DLG4: variants seen among roughly 807,000 people sequenced by gnomAD.
DLG4 encodes discs large MAGUK scaffold protein 4.
In DLG4, 7 loss-of-function variants were observed where a neutral mutation model predicts 93.8. The observed-to-expected ratio is 0.07, with a 90% CI of 0.04 to 0.14. DLG4 has a LOEUF of 0.14. DLG4 is among the 10% of genes least tolerant of loss of function. The pLI is 1.00. For synonymous variants in DLG4, 341 were observed against 387.6 expected (o/e 0.88, Z 1.41); for missense variants, 545 against 992.9 (o/e 0.55, Z 6.06).
Position 7,203,111 on chromosome 17 carries a change from T to A in DLG4, c.643-64A>T. The A allele has an allele frequency of 6.4e-7, 1 of 1,573,280 alleles. No individual in the cohort carries two copies. Among genetic ancestry groups the A allele is most frequent in the Non-Finnish European group, 8.7e-7 (1 of 1,152,340 alleles). On this transcript the variant is annotated intron_variant, in intron 7 of 19. Coordinates refer to ENST00000399506, the MANE Select transcript of DLG4 (RefSeq NM_001321075.3). The surrounding 1 kb of genome is among the most constrained non-coding windows in gnomAD (Gnocchi z 7.2). Reference sequence around the variant, plus strand: ...ATGGCCCAAGACAGAAGCACTGGGGTGAAGTGATGAACTTGGGCCTGCCAG... The same window carrying A: ...ATGGCCCAAGACAGAAGCACTGGGGAGAAGTGATGAACTTGGGCCTGCCAG...
chr17:7,212,688 AG>A (rs1319211478), intron 1 of DLG4, among the ~76,000 whole-genome samples: 1 of 152,186 alleles, frequency 6.6e-6, no homozygotes, highest in African/African-American at 2.4e-5. Context: ...AGATCGCTGG[AG>A]GCCAGGTGCC....
rs776871143 is a variant in DLG4, at chr17:7,196,504, C to G, written c.1155G>C (p.Thr385=). 8 of 1,614,012 alleles carry G rather than the reference C, an allele frequency of 5.0e-6. No individual in the cohort carries two copies. Among genetic ancestry groups the G allele is most frequent in the Non-Finnish European group, 6.8e-6 (8 of 1,179,896 alleles). ...AAIALKNAGQ[T]VTIIAQYKPE... ...GTTTATACTGAGCGATGATCGTGAC[C>G]GTCTGACCCGCATTCTTCAGGGCAA... The change falls in exon 10 of 20, where the codon ACG becomes ACC. Residue 385 remains threonine (T), a synonymous_variant. Coordinates refer to ENST00000399506, the MANE Select transcript of DLG4 (RefSeq NM_001321075.3). The surrounding 1 kb of genome is among the most constrained non-coding windows in gnomAD (Gnocchi z 8.3).
Position 7,217,324 on chromosome 17 carries a change from G to T in DLG4, c.-177C>A. On this transcript the variant is annotated 5_prime_UTR_variant, in exon 1 of 20. Coordinates refer to ENST00000399506, the MANE Select transcript of DLG4 (RefSeq NM_001321075.3). ...GGTTGGAGAAGGGAAGGGGAGGGGA[G>T]CGTGGGAGGGAGGGGAAGGGGGCCC... 1 of 893,558 alleles carries T rather than the reference G, an allele frequency of 1.1e-6. No homozygotes were observed. Among genetic ancestry groups the T allele is most frequent in the South Asian group, 4.6e-5 (1 of 21,884 alleles). 55.4% of individuals were successfully genotyped at this position (893,558 alleles called of 1,614,324 possible).
At chr17:7,213,854 A>T (rs2070800992) in intron 1 of DLG4, 1 of 470,708 alleles carries the variant, frequency 2.1e-6, no homozygotes, top group African/African-American at 2.0e-5. Context: ...CCCCAAGATG[A>T]CCCCCAATGT....
In DLG4 at chr17:7,196,657, A is replaced by C; in HGVS notation, c.1084-82T>G. On this transcript the variant is annotated intron_variant, in intron 9 of 19. Coordinates refer to ENST00000399506, the MANE Select transcript of DLG4 (RefSeq NM_001321075.3). The surrounding 1 kb of genome is among the most constrained non-coding windows in gnomAD (Gnocchi z 8.3). Reference sequence around the variant, plus strand: ...CAGGTGGAGCAGGGAGTGGTCCCGCAAGAGGACTCGGCTGCAGCCCATCCA... The same window carrying C: ...CAGGTGGAGCAGGGAGTGGTCCCGCCAGAGGACTCGGCTGCAGCCCATCCA... 1.3e-6 allele frequency: 2 copies of C among 1,591,164 alleles called. No individual in the cohort carries two copies. The highest frequency in any genetic ancestry group is 2.2e-5 in the South Asian group (2 of 89,358).
rs2069446046 is a variant in DLG4 at position 7,190,771 on chromosome 17, C to T, written c.2112G>A (p.Val704=). 1 of 1,613,506 alleles carries T rather than the reference C, an allele frequency of 6.2e-7. No homozygotes were observed. The highest frequency in any genetic ancestry group is 1.7e-5 in the Admixed American group (1 of 59,984). ...CTGAGAGGTCCTCGATGACACGCTTCACCTTGTGGTAGATCTCCTCAAAGC... is the reference window on the plus strand; with the variant it reads ...CTGAGAGGTCCTCGATGACACGCTTTACCTTGTGGTAGATCTCCTCAAAGC... The part of the protein sequence containing the change: ...GDSFEEIYHK[V]KRVIEDLSGP... Residue 704 remains valine, a synonymous_variant, in exon 20 of 20, where the codon GTG becomes GTA. Transcript: ENST00000399506.
intron 8 of DLG4, among the ~76,000 whole-genome samples, chr17:7,201,107 G>A (rs896195195): frequency 1.1e-4 from 16 of 150,094 alleles, no homozygotes; most frequent in African/African-American, 3.4e-4. Flanking sequence ...CAGGTGATCC[G>A]CCCGCCTTGG....
chr17:7,191,787 A>G lies in DLG4; in HGVS notation c.1976+106T>C. On this transcript the variant is annotated intron_variant, in intron 18 of 19. Coordinates refer to ENST00000399506, the MANE Select transcript of DLG4 (RefSeq NM_001321075.3). The surrounding 1 kb of genome is among the most constrained non-coding windows in gnomAD (Gnocchi z 6.6). Reference sequence around the variant, plus strand: ...GGGATCCCCCTCAGGGGCTGCTGAAACCGCTGTCCAGGGTTCTGAAGGGAG... The same window carrying G: ...GGGATCCCCCTCAGGGGCTGCTGAAGCCGCTGTCCAGGGTTCTGAAGGGAG... 1.2e-6 allele frequency: 1 copy of G among 813,482 alleles called. No homozygotes were observed. The highest frequency in any genetic ancestry group is 2.4e-4 in the Middle Eastern group (1 of 4,156). 50.4% of individuals were successfully genotyped at this position (813,482 alleles called of 1,614,324 possible).
chr17:7,211,899 T>C (rs1444988854), intron 1 of DLG4, among the ~76,000 whole-genome samples: 2 of 142,512 alleles, frequency 1.4e-5, no homozygotes. Flanking sequence ...GGGGAGACCC[T>C]CTTAGCCACC....
chr17:7,211,897 C>A (rs1242263884), intron 1 of DLG4, among the ~76,000 whole-genome samples: 2 of 146,666 alleles, frequency 1.4e-5, no homozygotes, highest in African/African-American at 5.1e-5. Context: ...GAGGGGAGAC[C>A]CTCTTAGCCA....
chr17:7,197,252 G>A (rs2069842171), intron 8 of DLG4, among the ~76,000 whole-genome samples, 200 bp from the exon 9 acceptor site: 1 of 152,092 alleles, frequency 6.6e-6, no homozygotes, highest in Admixed American at 6.6e-5. Context: ...TCAGAGGCTG[G>A]TTGTCCTAGG....
At chr17:7,201,387 G>A (rs761080994) in intron 8 of DLG4, among the ~76,000 whole-genome samples, 2 of 152,010 alleles carry the variant, frequency 1.3e-5, no homozygotes, top group Non-Finnish European at 2.9e-5. Context: ...TTTTTTAATT[G>A]TTATGACTGA....
upstream of DLG4, chr17:7,219,162 A>C (rs2071070891): frequency 4.7e-6 from 2 of 427,474 alleles, no homozygotes; most frequent in Non-Finnish European, 4.2e-6. Context: ...CTCTCACCCC[A>C]ATGAGAATTG....
At chr17:7,192,259 A>C in intron 17 of DLG4, 3 of 410,380 alleles carry the variant, frequency 7.3e-6, no homozygotes, top group Non-Finnish European at 1.3e-5. Context: ...GGAAGGGAGG[A>C]GCACCAGGCA....
At chr17:7,197,280 G>A (rs1405827439) in intron 8 of DLG4, among the ~76,000 whole-genome samples, 1 of 152,032 alleles carries the variant, frequency 6.6e-6, no homozygotes, top group Non-Finnish European at 1.5e-5. Context: ...GGATTTGAAC[G>A]TTATATGTCC....
chr17:7,213,989 G>C lies in DLG4; in HGVS notation c.30+3129C>G, dbSNP rs2070806408. On this transcript the variant is annotated intron_variant, in intron 1 of 19. Transcript: ENST00000399506. ...TGCAGGCCCTGCTTATCCACCAGTG[G>C]GCGCCATGGCCCATAAAGACCCTTC... is the stretch of plus-strand genomic sequence containing the variant. 1.3e-5 allele frequency: 5 copies of C among 395,258 alleles called. 1 individual carries two copies. The highest frequency in any genetic ancestry group is 9.0e-5 in the South Asian group (5 of 55,324). 24.5% of individuals were successfully genotyped at this position (395,258 alleles called of 1,614,324 possible). A position where few individuals can be genotyped will look rare whatever the true frequency, so the allele number is the denominator to read the frequency against.
chr17:7,199,979 CAAAAA>C (rs758701276), intron 8 of DLG4, among the ~76,000 whole-genome samples: 1 of 54,256 alleles, frequency 1.8e-5, no homozygotes, highest in Non-Finnish European at 3.8e-5. Flanking sequence ...GACTCCGTCT[CAAAAA>C]AAAAAAAAAA....
In DLG4 at chr17:7,194,058, A is replaced by G. The variant is rs1214339587; in HGVS notation, c.1479-58T>C. On this transcript the variant is annotated intron_variant, in intron 12 of 19. Transcript: ENST00000399506. This position sits in a 1 kb window ranked among gnomAD's most constrained non-coding sequence, Gnocchi z 4.4. ...GGAATGCCTACCCCCTGCCACCCCC[A>G]TGCTCTGAGCCAGCTGACAACCCCT... 3.3e-5 allele frequency: 52 copies of G among 1,592,784 alleles called. No homozygotes were observed. The highest frequency in any genetic ancestry group is 4.4e-5 in the Non-Finnish European group (52 of 1,169,600).
chr17:7,196,736 T>C lies in DLG4; in HGVS notation c.1083+21A>G, dbSNP rs769852553. On this transcript the variant is annotated intron_variant, in intron 9 of 19. Transcript: ENST00000399506. This position sits in a 1 kb window ranked among gnomAD's most constrained non-coding sequence, Gnocchi z 8.3. ...CCCTGTGGGGAGGGGGTGGTGCAGG[T>C]AGGGGCAGGCCTTCCCTCACCGACA... 1 of 1,591,768 alleles carries C rather than the reference T, an allele frequency of 6.3e-7. No individual in the cohort carries two copies. The highest frequency in any genetic ancestry group is 1.3e-5 in the African/African-American group (1 of 74,388).
Sources: gnomAD v4.1 joint callset for allele counts (sites outside exome capture counted in the v4.1 genomes callset) on GRCh38, gnomAD v4.1.1 for gene constraint, Gnocchi (gnomAD v3.1) non-coding constraint, MANE v1.5 for transcripts, NCBI Gene and HGNC (gene_info 2026-07-23, HGNC 2026-07-21) for gene names.